The following PHF11 variants were observed in gnomAD, a reference collection of about 807,000 sequenced individuals.
PHF11 encodes the protein BRCA1 C-terminus-associated protein.
A neutral mutation model predicts 40.5 loss-of-function variants in PHF11; 38 were observed. The ratio of observed to expected loss-of-function variants is 0.94; its 90% CI spans 0.72 to 1.23. The LOEUF is 1.23. Among genes scored for constraint, PHF11 ranks in the 50% most tolerant of loss-of-function variants. The pLI is 0.00. For synonymous variants in PHF11, 127 were observed against 138.2 expected, an observed-to-expected ratio of 0.92 and a Z score of 0.57; for missense variants, 369 against 392.4, an observed-to-expected ratio of 0.94 and a Z score of 0.50.
Position 49,498,870 on chromosome 13 carries a change from A to T in PHF11, c.94+2775A>T, listed in dbSNP as rs140092057. Among the ~76,000 whole-genome samples the T allele has an allele frequency of 8.2e-3, 1,256 of 152,276 alleles. 37 individuals carry two copies. The highest frequency in any genetic ancestry group is 0.042 in the Admixed American group (645 of 15,292). ...CATGTGAGTGCACACACACAGATCA[A>T]GTAAGTCATGGTCCTTCCAGTGTTA... On this transcript the variant is annotated intron_variant, in intron 1 of 9. Transcript: ENST00000378319.
intron 6 of PHF11, among the ~76,000 whole-genome samples, chr13:49,522,375 A>T (rs990677703): frequency 6.6e-6 from 1 of 152,186 alleles, no homozygotes; most frequent in East Asian, 1.9e-4. Flanking sequence ...CCAAGCACAT[A>T]ACCTTCAGGA....
chr13:49,502,240 G>A (rs1307770176), intron 1 of PHF11, among the ~76,000 whole-genome samples: 1 of 152,134 alleles, frequency 6.6e-6, no homozygotes, highest in Non-Finnish European at 1.5e-5. Flanking sequence ...GGTTGAGGCT[G>A]CAGTGAGCCA....
chr13:49,501,265 G>A (rs945274460), intron 1 of PHF11, among the ~76,000 whole-genome samples: 2 of 151,884 alleles, frequency 1.3e-5, no homozygotes, highest in African/African-American at 4.8e-5. Context: ...CGCCTGCCTC[G>A]GCCTCCCAAA....
chr13:49,521,102 A>G, intron 5 of PHF11, 162 bp downstream of exon 5: 4 of 1,321,304 alleles, frequency 3.0e-6, no homozygotes, highest in South Asian at 2.2e-5. Context: ...GTACTATGTG[A>G]TATGACTGAC....
At chr13:49,507,861 G>A (rs903305471) in intron 2 of PHF11, among the ~76,000 whole-genome samples, 1 of 152,066 alleles carries the variant, frequency 6.6e-6, no homozygotes, top group Non-Finnish European at 1.5e-5. Context: ...GAGCATTCAC[G>A]GATTTTGGTA....
intron 1 of PHF11, 31 bp downstream of exon 1, chr13:49,496,126 G>A: frequency 8.9e-7 from 1 of 1,126,184 alleles, no homozygotes; most frequent in Non-Finnish European, 1.1e-6. Flanking sequence ...CGGGCGGGCG[G>A]GCGGGGCTGG....
chr13:49,510,666 C>T (rs1018702571), intron 2 of PHF11, among the ~76,000 whole-genome samples: 1 of 152,026 alleles, frequency 6.6e-6, no homozygotes, highest in East Asian at 1.9e-4. Flanking sequence ...AATGGGGGTC[C>T]CACTATGTTG....
intron 3 of PHF11, 46 bp downstream of exon 3, chr13:49,513,212 C>T (rs761826130): frequency 2.3e-6 from 2 of 880,310 alleles, no homozygotes; most frequent in African/African-American, 3.3e-5. Flanking sequence ...AACAGACCCT[C>T]AAGGAATGCA....
intron 6 of PHF11, among the ~76,000 whole-genome samples, chr13:49,522,759 G>T (rs7324934): frequency 0.11 from 3,608 of 31,560 alleles, 369 homozygotes; most frequent in East Asian, 0.2. Flanking sequence ...TGAATATGGG[G>T]TTTTTTTGTT....
intron 7 of PHF11, chr13:49,523,529 C>T: frequency 2.4e-6 from 1 of 421,290 alleles, no homozygotes; most frequent in Non-Finnish European, 4.2e-6. Context: ...TGTGTCACCC[C>T]TCACACTGTG....
At chr13:49,517,965 TTAACAAA>T in intron 3 of PHF11, 46 bp from the exon 4 acceptor site, 1 of 1,024,208 alleles carries the variant, frequency 9.8e-7, no homozygotes, top group Non-Finnish European at 1.4e-6. Context: ...TCTTTGAATT[TTAACAAA>T]TAACAACAAA....
At chr13:49,499,857 T>A (rs1958876354) in intron 1 of PHF11, among the ~76,000 whole-genome samples, 1 of 152,260 alleles carries the variant, frequency 6.6e-6, no homozygotes, top group Middle Eastern at 3.2e-3. Flanking sequence ...GGATTCTAAA[T>A]GAAATGATAG....
chr13:49,525,878 A>T, intron 8 of PHF11: 1 of 439,252 alleles, frequency 2.3e-6, no homozygotes, highest in South Asian at 1.6e-5. Flanking sequence ...ACAAATACCA[A>T]GAATTGGGGG....
At chr13:49,517,287 CCCA>C (rs773647904) in intron 3 of PHF11, among the ~76,000 whole-genome samples, 6 of 152,126 alleles carry the variant, frequency 3.9e-5, no homozygotes, top group Non-Finnish European at 7.3e-5. Context: ...TCACTGTGCC[CCCA>C]CGTCATTCAG....
At chr13:49,525,886 G>T (rs1959248458) in intron 8 of PHF11, 1 of 437,136 alleles carries the variant, frequency 2.3e-6, no homozygotes, top group South Asian at 1.6e-5. Context: ...CAAGAATTGG[G>T]GGCCAGGCGC....
At chr13:49,512,790 C>G (rs1032328467) in intron 2 of PHF11, among the ~76,000 whole-genome samples, 1 of 152,190 alleles carries the variant, frequency 6.6e-6, no homozygotes. Flanking sequence ...GGGGATCAGA[C>G]TGACCCAGCT....
intron 9 of PHF11, among the ~76,000 whole-genome samples, chr13:49,526,780 T>A (rs1425378902): frequency 2.0e-5 from 3 of 152,112 alleles, no homozygotes; most frequent in African/African-American, 7.2e-5. Flanking sequence ...ACAAATACTT[T>A]TATAATGAGA....
chr13:49,511,971 G>A (rs1423875684), intron 2 of PHF11, among the ~76,000 whole-genome samples: 1 of 152,182 alleles, frequency 6.6e-6, no homozygotes, highest in African/African-American at 2.4e-5. Context: ...CATAAAGTTA[G>A]TGTATGTTTA....
intron 2 of PHF11, among the ~76,000 whole-genome samples, chr13:49,511,623 C>T (rs910779623): frequency 6.6e-6 from 1 of 152,092 alleles, no homozygotes; most frequent in Admixed American, 6.5e-5. Flanking sequence ...CCACCGCACC[C>T]GGCTATTCAG....
Sources: allele counts gnomAD v4.1 joint callset (sites outside exome capture counted in the v4.1 genomes callset), GRCh38; gene constraint gnomAD v4.1.1; transcripts MANE v1.5; gene names NCBI Gene and HGNC (gene_info 2026-07-23, HGNC 2026-07-21).